The following PAK5 variants were observed in gnomAD, a reference collection of about 807,000 sequenced individuals.
PAK5 encodes the protein p21 (RAC1) activated kinase 5, also known as serine/threonine-protein kinase PAK 5.
PAK5 carries 16 observed loss-of-function variants against 65.9 expected under a neutral mutation model. That is an observed-to-expected ratio of 0.24 (90% CI 0.16 to 0.37). The LOEUF is 0.37. Ranked by LOEUF, PAK5 falls within the 10% of genes least tolerant of loss-of-function variation. The probability of loss-of-function intolerance (pLI) is 1.00; values close to 1 mark genes in which losing one functional copy is unlikely to be tolerated. For synonymous variants in PAK5, 371 were observed against 354.9 expected (o/e 1.05, Z -0.51); for missense variants, 785 against 903.9 (o/e 0.87, Z 1.69).
intron 2 of PAK5, among the ~76,000 whole-genome samples, chr20:9,665,197 G>C (rs940428519): frequency 3.3e-5 from 5 of 149,670 alleles, no homozygotes; most frequent in African/African-American, 1.2e-4. Context: ...TGAAATTATA[G>C]GCATGAGCCA....
chr20:9,640,511 G>A (rs1025530824), intron 3 of PAK5, among the ~76,000 whole-genome samples: 17 of 152,022 alleles, frequency 1.1e-4, no homozygotes, highest in African/African-American at 1.7e-4. Context: ...GAATAGTGCC[G>A]CAATAAACAT....
intron 2 of PAK5, among the ~76,000 whole-genome samples, chr20:9,693,892 A>G (rs1206490293): frequency 6.6e-6 from 1 of 152,098 alleles, no homozygotes; most frequent in Non-Finnish European, 1.5e-5. Context: ...ATTGGATATC[A>G]GTTGTATAAA....
intron 2 of PAK5, among the ~76,000 whole-genome samples, chr20:9,704,265 A>G (rs541151966): frequency 2.2e-4 from 34 of 152,252 alleles, no homozygotes; most frequent in Non-Finnish European, 4.3e-4. Flanking sequence ...GTAGCCATAG[A>G]TGATGTCCTC....
At chr20:9,655,819 G>A (rs958738690) in intron 2 of PAK5, among the ~76,000 whole-genome samples, 1 of 152,266 alleles carries the variant, frequency 6.6e-6, no homozygotes. Context: ...CCAAGATCAA[G>A]GTGTTGGGAG....
intron 2 of PAK5, among the ~76,000 whole-genome samples, chr20:9,659,599 A>G (rs1366521626): frequency 1.3e-5 from 2 of 152,198 alleles, no homozygotes; most frequent in Non-Finnish European, 2.9e-5. Context: ...AGTATTGGGT[A>G]TAAGAAACTT....
chr20:9,674,494 T>C (rs1251528648), intron 2 of PAK5, among the ~76,000 whole-genome samples: 1 of 152,208 alleles, frequency 6.6e-6, no homozygotes, highest in East Asian at 1.9e-4. Flanking sequence ...TGTGGAGTAA[T>C]CTTTGACATT....
intron 1 of PAK5, among the ~76,000 whole-genome samples, chr20:9,745,891 T>C (rs2048502079): frequency 6.6e-6 from 1 of 151,366 alleles, no homozygotes; most frequent in South Asian, 2.1e-4. Flanking sequence ...AAAAGAGAAA[T>C]ATGAATCCAG....
At chr20:9,604,315 C>T (rs946826123) in intron 3 of PAK5, among the ~76,000 whole-genome samples, 8 of 152,228 alleles carry the variant, frequency 5.3e-5, no homozygotes, top group African/African-American at 1.9e-4. Context: ...ACATAAACTG[C>T]ATGCTATTTG....
intron 4 of PAK5, among the ~76,000 whole-genome samples, chr20:9,576,295 T>C (rs1442219915): frequency 6.6e-6 from 1 of 152,154 alleles, no homozygotes; most frequent in African/African-American, 2.4e-5. Context: ...AAAATCTATA[T>C]CTTTAACTGC....
intron 2 of PAK5, among the ~76,000 whole-genome samples, chr20:9,656,723 T>C (rs930165508): frequency 6.6e-6 from 1 of 152,198 alleles, no homozygotes; most frequent in Non-Finnish European, 1.5e-5. Context: ...ATGTCAAATG[T>C]TGTGAACATT....
At chr20:9,649,545 C>G (rs952988484) in intron 2 of PAK5, among the ~76,000 whole-genome samples, 1 of 152,230 alleles carries the variant, frequency 6.6e-6, no homozygotes, top group African/African-American at 2.4e-5. Context: ...TTCTCAGGGA[C>G]AGCCCAGCTT....
intron 3 of PAK5, among the ~76,000 whole-genome samples, chr20:9,640,237 G>T (rs1168109113): frequency 6.2e-5 from 8 of 130,070 alleles, no homozygotes; most frequent in African/African-American, 2.4e-4. Context: ...ACAGTCCCTG[G>T]TGTGTGATGT....
At chr20:9,654,120 T>C (rs377270990) in intron 2 of PAK5, among the ~76,000 whole-genome samples, 3 of 152,006 alleles carry the variant, frequency 2.0e-5, no homozygotes, top group Admixed American at 1.3e-4. Context: ...ATTACAGGCA[T>C]GCACCACGAT....
chr20:9,608,311 C>T (rs541284204), intron 3 of PAK5, among the ~76,000 whole-genome samples: 1 of 152,298 alleles, frequency 6.6e-6, no homozygotes, highest in East Asian at 1.9e-4. Flanking sequence ...AGATTCAGGA[C>T]ATAAAGTTCT....
chr20:9,770,426 G>T (rs532640533), intron 1 of PAK5, among the ~76,000 whole-genome samples: 1 of 152,112 alleles, frequency 6.6e-6, no homozygotes, highest in Non-Finnish European at 1.5e-5. Context: ...GAGTAAAGGG[G>T]CTCCAGAAAC....
At chr20:9,815,589 T>C (rs2049347333) in intron 1 of PAK5, among the ~76,000 whole-genome samples, 1 of 152,176 alleles carries the variant, frequency 6.6e-6, no homozygotes, top group South Asian at 2.1e-4. Context: ...AATTTTGCAA[T>C]GGTCCCGTCG....
intron 3 of PAK5, among the ~76,000 whole-genome samples, chr20:9,614,737 C>T (rs1460145010): frequency 6.6e-6 from 1 of 152,172 alleles, no homozygotes; most frequent in Non-Finnish European, 1.5e-5. Flanking sequence ...ACATTATCCT[C>T]CAAAAGTAAA....
At chr20:9,540,319 A>G (rs1462701357) in intron 9 of PAK5, among the ~76,000 whole-genome samples, 1 of 152,284 alleles carries the variant, frequency 6.6e-6, no homozygotes, top group African/African-American at 2.4e-5. Flanking sequence ...CACTCCTATC[A>G]AGATATAGAA....
At chr20:9,685,494 T>A (rs780405454) in intron 2 of PAK5, among the ~76,000 whole-genome samples, 1 of 152,148 alleles carries the variant, frequency 6.6e-6, no homozygotes, top group Non-Finnish European at 1.5e-5. Context: ...GAGTAAAAGA[T>A]TGCCAGAAAA....
Sources: allele counts gnomAD v4.1 joint callset (sites outside exome capture counted in the v4.1 genomes callset), GRCh38; gene constraint gnomAD v4.1.1; transcripts MANE v1.5; gene names NCBI Gene and HGNC (gene_info 2026-07-23, HGNC 2026-07-21).